NPTN: variants seen among roughly 807,000 people sequenced by gnomAD.
NPTN encodes neuroplastin, also known as SDR-1.
Under a neutral mutation model 42.7 loss-of-function variants are expected in NPTN, and 5 were observed. The observed-to-expected ratio is 0.12, with a 90% CI of 0.06 to 0.25. NPTN has a LOEUF of 0.25. Among genes scored for constraint, NPTN ranks in the 10% least tolerant of loss-of-function variants. NPTN has a pLI of 1.00. For missense variants in NPTN, 307 were observed against 525.4 expected (o/e 0.58, Z 4.06); for synonymous variants, 180 against 201.9 (o/e 0.89, Z 0.92).
At chr15:73,589,929 G>A (rs1393799323) in intron 3 of NPTN, among the ~76,000 whole-genome samples, 1 of 151,772 alleles carries the variant, frequency 6.6e-6, no homozygotes, top group African/African-American at 2.4e-5. Flanking sequence ...TGAGGAAGGA[G>A]CAGCAGCTCT....
chr15:73,583,554 ATTCTTATTAAG>A, intron 4 of NPTN, among the ~76,000 whole-genome samples: 1 of 152,208 alleles, frequency 6.6e-6, no homozygotes, highest in Non-Finnish European at 1.5e-5. Context: ...AGCTATTCTT[ATTCTTATTAAG>A]GAAGGTCAGG....
rs527291730 is a variant in NPTN, at chr15:73,570,060, C to T, written c.1114+90G>A. The T allele has an allele frequency of 8.7e-6, 11 of 1,265,998 alleles. No homozygotes were observed. The highest frequency in any genetic ancestry group is 1.2e-5 in the Non-Finnish European group (11 of 950,924). The allele number at this position is 1,265,998 out of a possible 1,614,324, so 78.4% of individuals were successfully genotyped here. On this transcript the variant is annotated intron_variant, in intron 6 of 8. Coordinates refer to ENST00000345330, the MANE Select transcript of NPTN (RefSeq NM_012428.4). This position sits in a 1 kb window ranked among gnomAD's most constrained non-coding sequence, Gnocchi z 4.0. ...CCTTCTTTCCTTTAGGGATTGAATC[C>T]CAACATCCCTATAGTCCTCTTTGGG...
chr15:73,620,183 A>G (rs1176264944), intron 1 of NPTN, among the ~76,000 whole-genome samples: 1 of 152,254 alleles, frequency 6.6e-6, no homozygotes, highest in East Asian at 1.9e-4. Flanking sequence ...TCTCTAGTTT[A>G]GCAAATGGTA....
intron 5 of NPTN, among the ~76,000 whole-genome samples, chr15:73,571,901 C>T (rs1451147804): frequency 6.6e-6 from 1 of 152,230 alleles, no homozygotes; most frequent in African/African-American, 2.4e-5. Flanking sequence ...CCTCAAGCTT[C>T]ATCTTTCAGA....
chr15:73,628,333 TTC>T (rs1566994445), intron 1 of NPTN, among the ~76,000 whole-genome samples: 1 of 152,250 alleles, frequency 6.6e-6, no homozygotes, highest in East Asian at 1.9e-4. Flanking sequence ...GCAGCCTTTC[TTC>T]TGTCTTTCCC....
At chr15:73,575,208 C>G (rs935607355) in intron 4 of NPTN, among the ~76,000 whole-genome samples, 2 of 151,836 alleles carry the variant, frequency 1.3e-5, no homozygotes, top group Non-Finnish European at 2.9e-5. Flanking sequence ...GTCTTGAACT[C>G]CTGACCTCAG....
intron 6 of NPTN, chr15:73,568,044 G>A: frequency 2.0e-6 from 2 of 985,390 alleles, no homozygotes; most frequent in Non-Finnish European, 2.4e-6. Context: ...CAGATTTGCT[G>A]GCCACAGATG....
At chr15:73,610,902 A>G (rs1213560979) in intron 1 of NPTN, among the ~76,000 whole-genome samples, 2 of 152,178 alleles carry the variant, frequency 1.3e-5, no homozygotes, top group Non-Finnish European at 2.9e-5. Context: ...TCCCCCCTCT[A>G]GGCCCCAGTG....
intron 1 of NPTN, among the ~76,000 whole-genome samples, chr15:73,603,589 T>C (rs1486060131): frequency 6.6e-6 from 1 of 152,180 alleles, no homozygotes; most frequent in Non-Finnish European, 1.5e-5. Flanking sequence ...TTATAAACCA[T>C]TAAATCTAAG....
At chr15:73,580,498 A>C (rs1566965804) in intron 4 of NPTN, among the ~76,000 whole-genome samples, 3 of 132,860 alleles carry the variant, frequency 2.3e-5, no homozygotes, top group Admixed American at 7.9e-5. Context: ...TATATACATA[A>C]ATATATATAT....
intron 2 of NPTN, among the ~76,000 whole-genome samples, chr15:73,596,231 T>G (rs1017409436): frequency 6.6e-6 from 1 of 152,154 alleles, no homozygotes; most frequent in African/African-American, 2.4e-5. Context: ...GCTGCTGCTT[T>G]TAAAGAGGAG....
intron 4 of NPTN, among the ~76,000 whole-genome samples, chr15:73,586,372 T>A (rs567643609): frequency 7.3e-4 from 111 of 152,184 alleles, no homozygotes; most frequent in Non-Finnish European, 1.3e-3. Context: ...GAAAAGCCAC[T>A]AAAAAAATCA....
intron 1 of NPTN, among the ~76,000 whole-genome samples, chr15:73,613,668 C>T (rs1159829311): frequency 7.2e-5 from 11 of 151,970 alleles, no homozygotes; most frequent in Admixed American, 5.2e-4. Context: ...TACGAAGCTA[C>T]GCGGTAACAA....
chr15:73,606,307 T>C (rs563468648), intron 1 of NPTN, among the ~76,000 whole-genome samples: 43 of 152,302 alleles, frequency 2.8e-4, no homozygotes, highest in Non-Finnish European at 5.9e-4. Flanking sequence ...GATGTGTCTG[T>C]CCAAGGAGAA....
intron 1 of NPTN, among the ~76,000 whole-genome samples, chr15:73,627,485 A>G (rs549900887): frequency 6.6e-6 from 1 of 152,250 alleles, no homozygotes; most frequent in East Asian, 1.9e-4. Flanking sequence ...AAACACAACA[A>G]GAAAACAGCA....
chr15:73,565,122 T>C (rs767608526), intron 6 of NPTN, among the ~76,000 whole-genome samples: 2 of 152,212 alleles, frequency 1.3e-5, no homozygotes, highest in Non-Finnish European at 2.9e-5. Flanking sequence ...CGACAGTGCC[T>C]CCGGCATAGC....
chr15:73,580,569 TTATATATGTATATACATGTTATATATG>T (rs1255880244), intron 4 of NPTN, among the ~76,000 whole-genome samples: 10,091 of 139,242 alleles, frequency 0.072, 499 homozygotes, highest in African/African-American at 0.087. Flanking sequence ...TATATACATG[TTATATATGTATATACATGTTATATATG>T]TATATATGTA....
chr15:73,569,830 G>T lies in NPTN; in HGVS notation c.1114+320C>A. 1 of 985,082 alleles carries T rather than the reference G, an allele frequency of 1.0e-6. No homozygotes were observed. Among genetic ancestry groups the T allele is most frequent in the Non-Finnish European group, 1.2e-6 (1 of 829,672 alleles). 61.0% of individuals were successfully genotyped at this position (985,082 alleles called of 1,614,324 possible). ...ATCTGTATTGAAGGAGGACAGAGCT[G>T]AACAAAGAGACTGACAGCTGCCCAT... On this transcript the variant is annotated intron_variant, in intron 6 of 8. Coordinates refer to ENST00000345330, the MANE Select transcript of NPTN (RefSeq NM_012428.4). This position sits in a 1 kb window ranked among gnomAD's most constrained non-coding sequence, Gnocchi z 4.1.
chr15:73,584,363 T>A (rs1461002247), intron 4 of NPTN, among the ~76,000 whole-genome samples: 3 of 152,124 alleles, frequency 2.0e-5, no homozygotes, highest in Non-Finnish European at 2.9e-5. Flanking sequence ...ATACCGGGAT[T>A]TTTAATTTGC....
Sources: allele counts gnomAD v4.1 joint callset (sites outside exome capture counted in the v4.1 genomes callset), GRCh38; gene constraint gnomAD v4.1.1; non-coding constraint Gnocchi (gnomAD v3.1); transcripts MANE v1.5; gene names NCBI Gene and HGNC (gene_info 2026-07-23, HGNC 2026-07-21).